Variants in RALGAPA2 observed in about 807,000 individuals in gnomAD.
The protein encoded by RALGAPA2 is ral GTPase-activating protein subunit alpha-2.
A neutral mutation model predicts 230.4 loss-of-function variants in RALGAPA2; 139 were observed. The ratio of observed to expected loss-of-function variants is 0.60; its 90% confidence interval spans 0.53 to 0.69. The LOEUF is 0.69. Among genes scored for constraint, RALGAPA2 ranks in the 30% least tolerant of loss-of-function variants. RALGAPA2 has a pLI of 0.00. For missense variants in RALGAPA2, 2,163 were observed against 2,276.0 expected (o/e 0.95, Z 1.01); for synonymous variants, 847 against 837.8 (o/e 1.01, Z -0.19).
At chr20:20,604,636 A>G (rs2065762005) in intron 15 of RALGAPA2, among the ~76,000 whole-genome samples, 1 of 152,170 alleles carries the variant, frequency 6.6e-6, no homozygotes, top group African/African-American at 2.4e-5. Flanking sequence ...AGTGTAGACC[A>G]ACACAAATTC....
chr20:20,619,546 C>T, intron 11 of RALGAPA2, 132 bp from the exon 12 acceptor site: 1 of 720,226 alleles, frequency 1.4e-6, no homozygotes, highest in Non-Finnish European at 1.8e-6. Context: ...CTTAAACTCA[C>T]CAGGATTCAC....
intron 27 of RALGAPA2, among the ~76,000 whole-genome samples, chr20:20,529,157 G>C (rs1248852444): frequency 1.3e-5 from 2 of 152,318 alleles, no homozygotes; most frequent in East Asian, 3.9e-4. Context: ...TGAGTTTCCT[G>C]TTATTAATAA....
At chr20:20,639,977 C>G (rs368722053) in intron 6 of RALGAPA2, 77 bp from the exon 7 acceptor site, 1 of 1,122,024 alleles carries the variant, frequency 8.9e-7, no homozygotes, top group Non-Finnish European at 1.3e-6. Context: ...TAAAAATGGT[C>G]TCTATTAAAA....
chr20:20,587,618 A>G (rs542338585), intron 18 of RALGAPA2, among the ~76,000 whole-genome samples: 6 of 152,152 alleles, frequency 3.9e-5, no homozygotes, highest in Non-Finnish European at 7.4e-5. Context: ...AAAAAATTCC[A>G]TAAAGCCTCA....
At chr20:20,596,786 C>A (rs898769459) in intron 16 of RALGAPA2, among the ~76,000 whole-genome samples, 1 of 152,258 alleles carries the variant, frequency 6.6e-6, no homozygotes, top group Admixed American at 6.5e-5. Context: ...TAGGATTTCT[C>A]AGCCTCGGCA....
chr20:20,689,700 T>C (rs941565470), intron 1 of RALGAPA2, among the ~76,000 whole-genome samples: 1 of 152,174 alleles, frequency 6.6e-6, no homozygotes, highest in African/African-American at 2.4e-5. Context: ...CTCCTCTCAA[T>C]TAAAGTGAGG....
intron 29 of RALGAPA2, 73 bp from the exon 30 acceptor site, chr20:20,524,616 T>G: frequency 6.4e-7 from 1 of 1,569,814 alleles, no homozygotes; most frequent in Non-Finnish European, 8.7e-7. Flanking sequence ...ATAAGAGAAT[T>G]ATCCCTACAC....
chr20:20,580,978 C>T (rs2064967871), intron 20 of RALGAPA2, among the ~76,000 whole-genome samples: 1 of 152,154 alleles, frequency 6.6e-6, no homozygotes, highest in Admixed American at 6.5e-5. Context: ...GAAGAAATTG[C>T]TCTCTTAAGA....
intron 20 of RALGAPA2, among the ~76,000 whole-genome samples, chr20:20,576,910 T>C (rs1472270372): frequency 6.6e-6 from 1 of 152,174 alleles, no homozygotes; most frequent in African/African-American, 2.4e-5. Flanking sequence ...CAAAGAACAA[T>C]TTTTAGTTGT....
intron 36 of RALGAPA2, among the ~76,000 whole-genome samples, chr20:20,490,861 A>AAC (rs34230105): frequency 0.68 from 97,270 of 142,110 alleles, 34,118 homozygotes; most frequent in Middle Eastern, 0.78. Context: ...AACACACATG[A>AAC]ACACACACAC....
chr20:20,620,544 C>A lies in RALGAPA2; in HGVS notation c.1320G>T (p.Val440=), dbSNP rs201355712. ...CTTTTCTATCTGGCTCCTCCATGAA[C>A]ACAGGTTTGTCCTGGAGAATCCACT... ...YRKWILQDKP[V]FMEEPDRKDV... is the part of the protein sequence containing the mutation. The change falls in exon 11 of 40, where the codon GTG becomes GTT. Residue 440 remains valine, a synonymous_variant. Transcript: ENST00000202677. 1 of 1,613,926 alleles carries A rather than the reference C, an allele frequency of 6.2e-7. No individual in the cohort carries two copies. Among genetic ancestry groups the A allele is most frequent in the East Asian group, 2.2e-5 (1 of 44,874 alleles).
chr20:20,612,869 T>C (rs2066017755), intron 13 of RALGAPA2, among the ~76,000 whole-genome samples: 1 of 152,166 alleles, frequency 6.6e-6, no homozygotes, highest in Non-Finnish European at 1.5e-5. Context: ...TCATGTTACA[T>C]GATGCATAAG....
chr20:20,548,578 A>C (rs78703656), intron 23 of RALGAPA2, among the ~76,000 whole-genome samples: 2 of 152,198 alleles, frequency 1.3e-5, no homozygotes, highest in Admixed American at 1.3e-4. Flanking sequence ...AGAAAAAAAA[A>C]CATGAACCAT....
chr20:20,636,203 T>G (rs2066852257), intron 8 of RALGAPA2, among the ~76,000 whole-genome samples: 1 of 152,206 alleles, frequency 6.6e-6, no homozygotes, highest in African/African-American at 2.4e-5. Context: ...TAATAAGAAG[T>G]CAGTTTCTCA....
rs760849750 is a variant in RALGAPA2, at chr20:20,687,726, T to C, written c.107-6925A>G. ...GAAGGTTTGTTATGCAACACTATTATAGAAATGGTGGTGCAGAAGAAGAAA... is the reference window on the plus strand; with the variant it reads ...GAAGGTTTGTTATGCAACACTATTACAGAAATGGTGGTGCAGAAGAAGAAA... On this transcript the variant is annotated intron_variant, in intron 1 of 39. Coordinates refer to ENST00000202677, the MANE Select transcript of RALGAPA2 (RefSeq NM_020343.4). 4.6e-5 allele frequency among the ~76,000 whole-genome samples: 7 copies of C among 152,074 alleles called. No homozygotes were observed. In the South Asian group the frequency reaches 8.3e-4, roughly 18 times the overall value.
chr20:20,644,401 T>C (rs201891175), intron 4 of RALGAPA2, among the ~76,000 whole-genome samples: 3 of 152,212 alleles, frequency 2.0e-5, no homozygotes, highest in African/African-American at 7.2e-5. Flanking sequence ...ATGAATTTCA[T>C]AGAGCTCCTC....
At chr20:20,578,828 C>T (rs1404569680) in intron 20 of RALGAPA2, among the ~76,000 whole-genome samples, 1 of 152,202 alleles carries the variant, frequency 6.6e-6, no homozygotes, top group African/African-American at 2.4e-5. Flanking sequence ...AAGATGGCAT[C>T]CTGCTCCCAC....
intron 16 of RALGAPA2, 123 bp from the exon 17 acceptor site, chr20:20,591,437 G>A (rs996043505): frequency 5.0e-5 from 58 of 1,161,908 alleles, no homozygotes; most frequent in Middle Eastern, 5.5e-4. Context: ...TTTATAGTCA[G>A]ATAATCTGCA....
chr20:20,417,879 G>A (rs1162354757), intron 37 of RALGAPA2, among the ~76,000 whole-genome samples: 1 of 152,224 alleles, frequency 6.6e-6, no homozygotes, highest in African/African-American at 2.4e-5. Context: ...AGGTTAGAGA[G>A]TTCAATTTGA....
Sources: gnomAD v4.1 joint callset for allele counts (sites outside exome capture counted in the v4.1 genomes callset) on GRCh38, gnomAD v4.1.1 for gene constraint, MANE v1.5 for transcripts, NCBI Gene and HGNC (gene_info 2026-07-23, HGNC 2026-07-21) for gene names.